Variants in ACYP2 observed in about 807,000 individuals in gnomAD.
ACYP2 encodes the protein acylphosphatase 2, also known as acylphosphatase-2.
A neutral mutation model predicts 11.2 loss-of-function variants in ACYP2; 12 were observed. The observed-to-expected ratio is 1.08, with a 90% CI of 0.69 to 1.74. The LOEUF (loss-of-function observed/expected upper bound fraction) is 1.74. ACYP2 is among the 40% of genes most tolerant of loss of function. ACYP2 has a pLI of 0.00. For synonymous variants in ACYP2, 43 were observed against 32.2 expected, an observed-to-expected ratio of 1.33 and a Z score of -1.13; for missense variants, 134 against 101.9, an observed-to-expected ratio of 1.31 and a Z score of -1.35.
intron 2 of ACYP2, among the ~76,000 whole-genome samples, chr2:54,019,655 C>T (rs142775825): frequency 0.014 from 2,097 of 151,086 alleles, 57 homozygotes; most frequent in African/African-American, 0.048. Flanking sequence ...AGTCTCACTC[C>T]GTCACCCAGG....
At position 54,089,814 on chromosome 2, in the gene ACYP2, G is replaced by C. The variant is rs547426458; in HGVS notation, c.277+32454G>C. On this transcript the variant is annotated intron_variant, in intron 4 of 6. Coordinates refer to ENST00000607452, the MANE Select transcript of ACYP2 (RefSeq NM_001320586.2). ...GTTCATCAAGTCACTTAATAATTCA[G>C]CATTTTTCCCACTGAATTAAGGACT... Among the ~76,000 whole-genome samples the C allele has an allele frequency of 3.2e-4, 48 of 152,002 alleles. No individual in the cohort carries two copies. The South Asian group carries it at 9.1e-3, about 29-fold the overall frequency.
At chr2:54,104,978 C>A (rs1257306579) in intron 4 of ACYP2, among the ~76,000 whole-genome samples, 1 of 152,158 alleles carries the variant, frequency 6.6e-6, no homozygotes, top group Non-Finnish European at 1.5e-5. Context: ...TTCAGGTATT[C>A]CCTTCGAAGC....
chr2:54,245,749 T>C (rs1017158046), intron 6 of ACYP2, among the ~76,000 whole-genome samples: 1 of 152,006 alleles, frequency 6.6e-6, no homozygotes, highest in Non-Finnish European at 1.5e-5. Flanking sequence ...GATTTCCTTG[T>C]ATATTCTGGA....
chr2:54,187,534 G>A (rs1329833400), intron 6 of ACYP2, among the ~76,000 whole-genome samples: 1 of 152,180 alleles, frequency 6.6e-6, no homozygotes, highest in Non-Finnish European at 1.5e-5. Flanking sequence ...AGAGATGTAG[G>A]GAAGGATAAG....
chr2:54,260,689 C>A (rs1687739803), intron 6 of ACYP2, among the ~76,000 whole-genome samples: 4 of 152,152 alleles, frequency 2.6e-5, no homozygotes, highest in Non-Finnish European at 5.9e-5. Flanking sequence ...TTGAGAATGA[C>A]CTGCAAGGGA....
chr2:54,147,328 G>A (rs1681942177), intron 6 of ACYP2, among the ~76,000 whole-genome samples: 1 of 152,070 alleles, frequency 6.6e-6, no homozygotes, highest in Non-Finnish European at 1.5e-5. Flanking sequence ...GTGACTGGGT[G>A]GGGAACTGGC....
chr2:53,976,458 C>T (rs1671496855), intron 2 of ACYP2, among the ~76,000 whole-genome samples: 1 of 152,204 alleles, frequency 6.6e-6, no homozygotes, highest in African/African-American at 2.4e-5. Flanking sequence ...CTGCCCGCCT[C>T]AGCCTCCCAA....
At chr2:54,070,760 G>A (rs961133232) in intron 4 of ACYP2, among the ~76,000 whole-genome samples, 16 of 148,676 alleles carry the variant, frequency 1.1e-4, no homozygotes, top group Non-Finnish European at 2.4e-4. Flanking sequence ...GGTGGGGGCA[G>A]GGTCTCAGCT....
intron 3 of ACYP2, among the ~76,000 whole-genome samples, chr2:54,053,045 T>C (rs1675947963): frequency 1.3e-5 from 2 of 152,216 alleles, no homozygotes; most frequent in South Asian, 2.1e-4. Flanking sequence ...GAGAGAGGCA[T>C]TGAAGAAAAA....
rs58842257 is a variant in ACYP2 at position 54,102,638 on chromosome 2, CAAAAAAAAAAAAAAAAAAAAAAA to C, written c.278-32801_278-32779del. Among the ~76,000 whole-genome samples the C allele has an allele frequency of 3.0e-3, 252 of 83,320 alleles. 3 individuals are homozygous for C. The highest frequency in any genetic ancestry group is 0.027 in the East Asian group (98 of 3,616). The allele number at this position is 83,320 out of a possible 152,430, so 54.7% of individuals were successfully genotyped here. ...AAACCCAATTTAAGCTGGCTTAAGC[CAAAAAAAAAAAAAAAAAAAAAAA>C]AAAAAAAAAAAAAGAATATATTGGC... On this transcript the variant is annotated intron_variant, in intron 4 of 6. Coordinates refer to ENST00000607452, the MANE Select transcript of ACYP2 (RefSeq NM_001320586.2).
intron 6 of ACYP2, among the ~76,000 whole-genome samples, chr2:54,231,050 T>G (rs1686215248): frequency 1.3e-5 from 2 of 152,020 alleles, no homozygotes; most frequent in East Asian, 1.9e-4. Context: ...AGGCTGGTCT[T>G]AAACTCCTGA....
chr2:54,125,592 A>G (rs111642959), intron 4 of ACYP2, among the ~76,000 whole-genome samples: 1 of 151,864 alleles, frequency 6.6e-6, no homozygotes, highest in African/African-American at 2.4e-5. Context: ...TCTACTAAAA[A>G]TACAAAACTT....
intron 2 of ACYP2, among the ~76,000 whole-genome samples, chr2:53,980,752 CT>C (rs796522648): frequency 3.5e-4 from 51 of 145,934 alleles, no homozygotes; most frequent in Non-Finnish European, 3.5e-4. Context: ...TATAGGTGTA[CT>C]TTTTTTTTTT....
intron 6 of ACYP2, among the ~76,000 whole-genome samples, chr2:54,245,388 A>C (rs1686902250): frequency 6.6e-6 from 1 of 152,166 alleles, no homozygotes; most frequent in Non-Finnish European, 1.5e-5. Context: ...TTTCCTTTGG[A>C]TAAATGCTGA....
chr2:54,165,985 C>T (rs1215156), intron 6 of ACYP2, among the ~76,000 whole-genome samples: 32,195 of 152,184 alleles, frequency 0.21, 3,937 homozygotes, highest in South Asian at 0.37. Context: ...CACCAAAACA[C>T]ACACATGTGA....
chr2:54,068,411 C>G (rs1676854101), intron 4 of ACYP2, among the ~76,000 whole-genome samples: 1 of 152,168 alleles, frequency 6.6e-6, no homozygotes, highest in Non-Finnish European at 1.5e-5. Context: ...GAAATTTTCT[C>G]TTAGGACTTG....
intron 4 of ACYP2, among the ~76,000 whole-genome samples, chr2:54,099,006 G>A (rs1164329894): frequency 6.6e-6 from 1 of 152,152 alleles, no homozygotes; most frequent in Non-Finnish European, 1.5e-5. Context: ...TGGGATTACA[G>A]GTATGAGCCA....
intron 6 of ACYP2, among the ~76,000 whole-genome samples, chr2:54,273,461 A>C (rs866193895): frequency 3.9e-5 from 6 of 152,168 alleles, no homozygotes; most frequent in Middle Eastern, 6.8e-3. Flanking sequence ...TAACATTTCT[A>C]AACTTTTTGT....
intron 4 of ACYP2, among the ~76,000 whole-genome samples, chr2:54,109,152 C>G (rs1039508186): frequency 6.6e-6 from 1 of 152,050 alleles, no homozygotes; most frequent in African/African-American, 2.4e-5. Context: ...CCAGCCCAAA[C>G]GCCCATCAAT....
Sources: gnomAD v4.1 joint callset for allele counts (sites outside exome capture counted in the v4.1 genomes callset) on GRCh38, gnomAD v4.1.1 for gene constraint, MANE v1.5 for transcripts, NCBI Gene and HGNC (gene_info 2026-07-23, HGNC 2026-07-21) for gene names.